PDE4B: variants seen among roughly 807,000 people sequenced by gnomAD.
The protein encoded by PDE4B is phosphodiesterase 4B, also known as 3',5'-cyclic-AMP phosphodiesterase 4B.
A neutral mutation model predicts 82.2 loss-of-function variants in PDE4B; 20 were observed. That is an observed-to-expected ratio of 0.24 (90% CI 0.17 to 0.35). PDE4B has a LOEUF of 0.35. Among genes scored for constraint, PDE4B ranks in the 10% least tolerant of loss-of-function variants. PDE4B has a pLI of 1.00. For synonymous variants in PDE4B, 320 were observed against 318.9 expected (o/e 1.00, Z -0.04); for missense variants, 655 against 907.2 (o/e 0.72, Z 3.57).
chr1:66,354,449 A>G, intron 8 of PDE4B: 1 of 991,584 alleles, frequency 1.0e-6, no homozygotes, highest in Non-Finnish European at 1.2e-6. Flanking sequence ...GGAAAGAAGA[A>G]TTTCTTCTTC....
chr1:65,892,298 A>G (rs1480613320), intron 1 of PDE4B, among the ~76,000 whole-genome samples: 1 of 152,042 alleles, frequency 6.6e-6, no homozygotes, highest in Non-Finnish European at 1.5e-5. Context: ...GAGACTCATA[A>G]TATTGATAGT....
intron 3 of PDE4B, among the ~76,000 whole-genome samples, chr1:66,165,423 G>A (rs76286943): frequency 0.01 from 1,565 of 152,010 alleles, 28 homozygotes; most frequent in African/African-American, 0.036. Flanking sequence ...TAATTTTAGT[G>A]AGCTAAATAA....
chr1:65,847,124 T>C (rs1488494196), intron 1 of PDE4B, among the ~76,000 whole-genome samples: 1 of 152,238 alleles, frequency 6.6e-6, no homozygotes, highest in Non-Finnish European at 1.5e-5. Flanking sequence ...ATCACTGTTC[T>C]AGATACTGTA....
At chr1:65,794,236 A>T (rs1645606660) in intron 1 of PDE4B, among the ~76,000 whole-genome samples, 1 of 152,238 alleles carries the variant, frequency 6.6e-6, no homozygotes, top group South Asian at 2.1e-4. Flanking sequence ...TCTTTGAATC[A>T]CATGCATCGT....
chr1:66,131,063 C>T (rs1645931661), intron 3 of PDE4B, among the ~76,000 whole-genome samples: 1 of 152,064 alleles, frequency 6.6e-6, no homozygotes, highest in Non-Finnish European at 1.5e-5. Flanking sequence ...TGGAAATGGC[C>T]CTTATAAGGT....
intron 3 of PDE4B, among the ~76,000 whole-genome samples, chr1:66,090,707 A>T (rs1196713688): frequency 7.1e-6 from 1 of 140,382 alleles, no homozygotes; most frequent in Non-Finnish European, 1.5e-5. Context: ...GTATATGTAT[A>T]TATGTGTGTG....
chr1:65,909,437 A>T (rs1181570927), intron 1 of PDE4B, among the ~76,000 whole-genome samples: 1 of 152,186 alleles, frequency 6.6e-6, no homozygotes, highest in Admixed American at 6.5e-5. Context: ...AAATTCACAC[A>T]TTAACACAGA....
intron 3 of PDE4B, among the ~76,000 whole-genome samples, chr1:66,232,815 C>T (rs1031971262): frequency 1.3e-5 from 2 of 152,038 alleles, no homozygotes; most frequent in Non-Finnish European, 1.5e-5. Context: ...TGAAGTGTTG[C>T]GGGCCAAATC....
At chr1:66,138,016 G>T (rs958536386) in intron 3 of PDE4B, among the ~76,000 whole-genome samples, 175 of 152,232 alleles carry the variant, frequency 1.1e-3, no homozygotes, top group African/African-American at 4.0e-3. Context: ...TATAGAGAAA[G>T]AAACTGAAGT....
chr1:66,075,947 C>A (rs1656413608), intron 3 of PDE4B, among the ~76,000 whole-genome samples: 1 of 151,406 alleles, frequency 6.6e-6, no homozygotes, highest in African/African-American at 2.4e-5. Context: ...ACACCATGGG[C>A]CAAGCAAAAC....
intron 3 of PDE4B, among the ~76,000 whole-genome samples, chr1:66,224,150 G>T (rs74998009): frequency 6.8e-6 from 1 of 147,030 alleles, no homozygotes; most frequent in African/African-American, 2.5e-5. Context: ...TCTTTCCAGC[G>T]CATCTCTTTC....
intron 8 of PDE4B, among the ~76,000 whole-genome samples, chr1:66,343,434 C>T (rs1042763828): frequency 6.6e-6 from 1 of 152,130 alleles, no homozygotes; most frequent in Admixed American, 6.6e-5. Context: ...AACTGTGGGG[C>T]TTTTTTTGAA....
chr1:65,825,885 C>G (rs1432849240), intron 1 of PDE4B, among the ~76,000 whole-genome samples: 1 of 151,880 alleles, frequency 6.6e-6, no homozygotes, highest in Non-Finnish European at 1.5e-5. Context: ...TCCTTATATG[C>G]TACATCCTTC....
intron 1 of PDE4B, among the ~76,000 whole-genome samples, chr1:65,793,991 G>C (rs1645603734): frequency 6.6e-6 from 1 of 152,162 alleles, no homozygotes; most frequent in Non-Finnish European, 1.5e-5. Flanking sequence ...CAGCTTTAAA[G>C]CGTGTATAAG....
At chr1:66,181,033 A>G (rs188905873) in intron 3 of PDE4B, among the ~76,000 whole-genome samples, 1 of 152,338 alleles carries the variant, frequency 6.6e-6, no homozygotes, top group African/African-American at 2.4e-5. Flanking sequence ...TAAGAGATGA[A>G]GCTGGGTACA....
intron 3 of PDE4B, among the ~76,000 whole-genome samples, chr1:66,052,551 C>T (rs966718637): frequency 8.3e-6 from 1 of 120,580 alleles, no homozygotes. Context: ...TGTTCAGGGA[C>T]CGAGTTTTTT....
chr1:65,968,835 G>A (rs750130148), intron 3 of PDE4B, among the ~76,000 whole-genome samples: 14 of 152,052 alleles, frequency 9.2e-5, no homozygotes, highest in Admixed American at 2.0e-4. Context: ...TTCATATAGT[G>A]AGTCATATTG....
intron 3 of PDE4B, among the ~76,000 whole-genome samples, chr1:66,205,990 G>A (rs2101557024): frequency 6.6e-6 from 1 of 152,322 alleles, no homozygotes; most frequent in South Asian, 2.1e-4. Context: ...AAAAAGGGAA[G>A]GTGGAGAGGT....
At chr1:65,828,826 G>C (rs1324689164) in intron 1 of PDE4B, among the ~76,000 whole-genome samples, 1 of 151,886 alleles carries the variant, frequency 6.6e-6, no homozygotes, top group Non-Finnish European at 1.5e-5. Context: ...AGTCAATTTA[G>C]GAAATAAAAT....
Sources: allele counts gnomAD v4.1 joint callset (sites outside exome capture counted in the v4.1 genomes callset), GRCh38; gene constraint gnomAD v4.1.1; transcripts MANE v1.5; gene names NCBI Gene and HGNC (gene_info 2026-07-23, HGNC 2026-07-21).